The following SENP2 variants were observed in gnomAD, a reference collection of about 807,000 sequenced individuals.
The protein encoded by SENP2 is SUMO specific peptidase 2.
In SENP2, 16 loss-of-function variants were observed where a neutral mutation model predicts 86.3. The ratio of observed to expected loss-of-function variants is 0.19; its 90% CI spans 0.13 to 0.28. The LOEUF (loss-of-function observed/expected upper bound fraction) is 0.28, where lower values mean the gene tolerates loss of function less well. SENP2 is among the 10% of genes least tolerant of loss of function. SENP2 has a pLI of 1.00. For synonymous variants in SENP2, 222 were observed against 238.7 expected (o/e 0.93, Z 0.64); for missense variants, 552 against 703.0 (o/e 0.79, Z 2.43).
At position 185,598,393 on chromosome 3, in the gene SENP2, G is replaced by C; in HGVS notation, c.158-19G>C. ...GGAAGTTTATTACTTTATATTTACA[G>C]TTTGTTGACACTTTCTAGATTGCTT... On this transcript the variant is annotated intron_variant, in intron 2 of 16. Transcript: ENST00000296257. 6.2e-7 allele frequency: 1 copy of C among 1,611,260 alleles called. No homozygotes were observed. Among genetic ancestry groups the C allele is most frequent in the Non-Finnish European group, 8.5e-7 (1 of 1,177,642 alleles).
chr3:185,613,292 C>A, intron 9 of SENP2, 53 bp from the exon 10 acceptor site: 1 of 1,002,434 alleles, frequency 1.0e-6, no homozygotes, highest in Non-Finnish European at 1.6e-6. Context: ...CTAGGATGTA[C>A]TAGGTTTGAA....
At chr3:185,613,243 C>T in intron 9 of SENP2, 102 bp from the exon 10 acceptor site, 1 of 755,448 alleles carries the variant, frequency 1.3e-6, no homozygotes, top group South Asian at 1.7e-5. Flanking sequence ...AAACTCAACA[C>T]AATTTTTATG....
intron 10 of SENP2, 124 bp from the exon 11 acceptor site, chr3:185,614,440 C>A: frequency 1.0e-6 from 1 of 956,058 alleles, no homozygotes; most frequent in Non-Finnish European, 1.5e-6. Context: ...AATCTACTCA[C>A]TTGGGGGATT....
chr3:185,586,444 A>G lies in SENP2; in HGVS notation c.31A>G (p.Thr11Ala). The change falls in exon 1 of 17, where the codon ACC becomes GCC. Residue 11 changes from threonine (T) to alanine (A), a missense_variant. This residue lies in a region of SENP2 where 383 missense variants were observed against 427.3 expected (regional missense o/e 0.90). Transcript: ENST00000296257. The surrounding 1 kb of genome is among the most constrained non-coding windows in gnomAD (Gnocchi z 4.3). ...CAGATGGCTGGTTAGGATTCTCGGC[A>G]CCATTTTCCGTTTCTGCGACCGGTC... MYRWLVRILGTIFRFCDRSVP... is the reference protein window; with the variant it reads MYRWLVRILGAIFRFCDRSVP... The G allele has an allele frequency of 1.9e-6, 3 of 1,613,942 alleles. No individual in the cohort carries two copies. Among genetic ancestry groups the G allele is most frequent in the South Asian group, 2.2e-5 (2 of 91,086 alleles).
chr3:185,618,191 G>A (rs1332662176), intron 12 of SENP2, among the ~76,000 whole-genome samples: 5 of 152,156 alleles, frequency 3.3e-5, no homozygotes, highest in Admixed American at 2.6e-4. Context: ...TGATCCGCCC[G>A]CCTTGGCCTC....
At chr3:185,601,203 C>G (rs1448087268) in intron 5 of SENP2, among the ~76,000 whole-genome samples, 1 of 151,912 alleles carries the variant, frequency 6.6e-6, no homozygotes, top group East Asian at 1.9e-4. Flanking sequence ...CCACACCATG[C>G]CCGGCTAATT....
Position 185,616,997 on chromosome 3 carries a change from A to G in SENP2, c.1111-483A>G, listed in dbSNP as rs537412477. Among the ~76,000 whole-genome samples the G allele has an allele frequency of 8.5e-5, 13 of 152,368 alleles. No homozygotes were observed. In the East Asian group the frequency reaches 2.1e-3, roughly 25 times the overall value. ...TATGGATCAATGATGTGCTTCAAGC[A>G]TCTAACACCATGTTTGACTCATAGT... On this transcript the variant is annotated intron_variant, in intron 11 of 16. Transcript: ENST00000296257.
chr3:185,593,183 G>A (rs985437622), intron 2 of SENP2, among the ~76,000 whole-genome samples: 3 of 152,144 alleles, frequency 2.0e-5, no homozygotes, highest in African/African-American at 7.2e-5. Flanking sequence ...GGAATAGTAT[G>A]GGAAAGTTGT....
intron 1 of SENP2, among the ~76,000 whole-genome samples, chr3:185,589,308 C>G (rs1169359493): frequency 1.3e-5 from 2 of 151,988 alleles, no homozygotes; most frequent in African/African-American, 4.8e-5. Flanking sequence ...AACTCCCTTA[C>G]ACACACACAA....
chr3:185,632,185 T>C lies in SENP2; in HGVS notation c.*2341T>C, dbSNP rs545571346. On this transcript the variant is annotated 3_prime_UTR_variant, in exon 17 of 17. Transcript: ENST00000296257. ...GAAAAACAGCTATTGATTTTATTAG[T>C]AGCAAATTATCACCATTAAAGCCAG... The C allele has an allele frequency of 6.6e-6, 1 of 151,234 alleles. No individual in the cohort carries two copies. The highest frequency in any genetic ancestry group is 2.1e-4 in the South Asian group (1 of 4,796). The allele number at this position is 151,234 out of a possible 1,614,324, so 9.4% of individuals were successfully genotyped here.
At chr3:185,606,844 G>T in intron 6 of SENP2, 1 of 499,060 alleles carries the variant, frequency 2.0e-6, no homozygotes, top group South Asian at 1.5e-5. Flanking sequence ...TGAAAGTATT[G>T]AAGGCACAGA....
rs115798619 is a variant in SENP2, at chr3:185,606,119, G to A, written c.450-211G>A. On this transcript the variant is annotated intron_variant, in intron 5 of 16. Transcript: ENST00000296257. ...AGGCAGAGACTCTCTTTGTGTGGCA[G>A]CTCTAGTTTAGAAACAGACATTCCA... 3.4e-3 allele frequency among the ~76,000 whole-genome samples: 521 copies of A among 152,228 alleles called. 3 individuals carry two copies. Among genetic ancestry groups the A allele is most frequent in the African/African-American group, 0.012 (501 of 41,528 alleles).
At chr3:185,610,138 A>G (rs1283800646) in intron 7 of SENP2, among the ~76,000 whole-genome samples, 1 of 150,380 alleles carries the variant, frequency 6.6e-6, no homozygotes, top group Non-Finnish European at 1.5e-5. Context: ...TTAAAAAGTC[A>G]CAGAATATTA....
intron 8 of SENP2, 42 bp downstream of exon 8, chr3:185,611,787 A>C (rs1394583380): frequency 1.5e-6 from 2 of 1,344,106 alleles, no homozygotes; most frequent in Non-Finnish European, 2.1e-6. Flanking sequence ...TATTGACCTT[A>C]GTTCATGCTA....
chr3:185,603,552 T>TTAGA (rs1407967459), intron 5 of SENP2, among the ~76,000 whole-genome samples: 1 of 152,228 alleles, frequency 6.6e-6, no homozygotes. Context: ...AGATCCTGGA[T>TTAGA]TAGATTTTAG....
Position 185,587,732 on chromosome 3 carries a change from A to ATTTTTTTTTTTT in SENP2, c.101+1227_101+1238dup, listed in dbSNP as rs59565990. Among the ~76,000 whole-genome samples, 29 of 72,990 alleles carry ATTTTTTTTTTTT rather than the reference A, an allele frequency of 4.0e-4. 3 individuals carry two copies. Among genetic ancestry groups the ATTTTTTTTTTTT allele is most frequent in the African/African-American group, 5.9e-4 (10 of 16,956 alleles). The allele number at this position is 72,990 out of a possible 152,430, so 47.9% of individuals were successfully genotyped here. A position where few individuals can be genotyped will look rare whatever the true frequency, so the allele number is the denominator to read the frequency against. ...CAGGCGCCCGCCACCATGCCCGGCT[A>ATTTTTTTTTTTT]TTTTTTTTTTTTTTTTTTTTGAGAC... On this transcript the variant is annotated intron_variant, in intron 1 of 16. Coordinates refer to ENST00000296257, the MANE Select transcript of SENP2 (RefSeq NM_021627.3).
At chr3:185,587,281 C>T (rs987246243) in intron 1 of SENP2, among the ~76,000 whole-genome samples, 3 of 151,904 alleles carry the variant, frequency 2.0e-5, no homozygotes, top group Non-Finnish European at 4.4e-5. Flanking sequence ...TGCAGGTGTG[C>T]ACCACCACGC....
chr3:185,619,895 T>C (rs1057246463), intron 13 of SENP2, among the ~76,000 whole-genome samples: 3 of 151,824 alleles, frequency 2.0e-5, no homozygotes, highest in Non-Finnish European at 4.4e-5. Context: ...GCTTGCCTAA[T>C]TTTATTTATT....
intron 16 of SENP2, among the ~76,000 whole-genome samples, chr3:185,628,608 G>A (rs2148997223): frequency 6.6e-6 from 1 of 152,322 alleles, no homozygotes; most frequent in Non-Finnish European, 1.5e-5. Context: ...CCGGGTTCAA[G>A]CAAGTCTTCC....
Sources: allele counts gnomAD v4.1 joint callset (sites outside exome capture counted in the v4.1 genomes callset), GRCh38; gene constraint gnomAD v4.1.1; regional missense constraint gnomAD v4.1.1; non-coding constraint Gnocchi (gnomAD v3.1); transcripts MANE v1.5; gene names NCBI Gene and HGNC (gene_info 2026-07-23, HGNC 2026-07-21).